The following SLC25A21 variants were observed in gnomAD, a reference collection of about 807,000 sequenced individuals.
SLC25A21 encodes mitochondrial 2-oxodicarboxylate carrier.
In SLC25A21, 47 loss-of-function variants were observed where a neutral mutation model predicts 43.8. That is an observed-to-expected ratio of 1.07 (90% confidence interval 0.85 to 1.37). SLC25A21 has a LOEUF of 1.37. SLC25A21 is among the 40% of genes most tolerant of loss of function. SLC25A21 has a pLI of 0.00. For missense variants in SLC25A21, 352 were observed against 350.2 expected (o/e 1.00, Z -0.04); for synonymous variants, 131 against 121.3 (o/e 1.08, Z -0.52).
At chr14:36,864,842 C>A (rs1890168129) in intron 2 of SLC25A21, among the ~76,000 whole-genome samples, 1 of 152,038 alleles carries the variant, frequency 6.6e-6, no homozygotes, top group African/African-American at 2.4e-5. Context: ...ATGTTCTAAC[C>A]CTGAATGTGA....
chr14:37,017,287 G>A lies in SLC25A21; in HGVS notation c.71-142283C>T, dbSNP rs112216579. Among the ~76,000 whole-genome samples the A allele has an allele frequency of 1.4e-3, 209 of 152,060 alleles. 5 individuals are homozygous for A. The highest frequency in any genetic ancestry group is 4.4e-3 in the African/African-American group (183 of 41,474). ...AGATGTCACTGTAGGCTTACTAAAT[G>A]GCCTAATTTTAATATTGTTGTGTCT... On this transcript the variant is annotated intron_variant, in intron 1 of 9. Transcript: ENST00000331299.
intron 4 of SLC25A21, among the ~76,000 whole-genome samples, chr14:36,733,142 A>T (rs1056935439): frequency 6.6e-6 from 1 of 152,176 alleles, no homozygotes; most frequent in East Asian, 1.9e-4. Context: ...TCCAGGAAAA[A>T]CTCTAATTTT....
chr14:36,679,099 C>T lies in SLC25A21; in HGVS notation c.*1559G>A, dbSNP rs1882057692. On this transcript the variant is annotated 3_prime_UTR_variant, in exon 10 of 10. Coordinates refer to ENST00000331299, the MANE Select transcript of SLC25A21 (RefSeq NM_030631.4). ...AAGGTTCAATTTCATGACCTCTATG[C>T]AGGCAGCGCTCTCATTGGATGTAAG... 2.0e-6 allele frequency: 2 copies of T among 985,276 alleles called. No individual in the cohort carries two copies. The highest frequency in any genetic ancestry group is 1.1e-4 in the East Asian group (1 of 8,824). The allele number at this position is 985,276 out of a possible 1,614,324, so 61.0% of individuals were successfully genotyped here.
At chr14:36,734,115 AG>A (rs1884938338) in intron 4 of SLC25A21, among the ~76,000 whole-genome samples, 1 of 152,182 alleles carries the variant, frequency 6.6e-6, no homozygotes, top group Non-Finnish European at 1.5e-5. Flanking sequence ...GGAATGATTT[AG>A]GGAGAAAAGT....
rs1435294324 is a variant in SLC25A21, at chr14:37,095,597, T to C, written c.70+76684A>G. Among the ~76,000 whole-genome samples, 3 of 151,956 alleles carry C rather than the reference T, an allele frequency of 2.0e-5. No homozygotes were observed. The East Asian group carries it at 5.8e-4, about 29-fold the overall frequency. Reference sequence around the variant, plus strand: ...GCAGAAAAGGCATGAATAAAAAATATATAAATGCCTGGTATGGTGGCTCAC... The same window carrying C: ...GCAGAAAAGGCATGAATAAAAAATACATAAATGCCTGGTATGGTGGCTCAC... On this transcript the variant is annotated intron_variant, in intron 1 of 9. Transcript: ENST00000331299.
At chr14:36,950,483 A>G (rs1892782833) in intron 1 of SLC25A21, among the ~76,000 whole-genome samples, 1 of 152,190 alleles carries the variant, frequency 6.6e-6, no homozygotes, top group African/African-American at 2.4e-5. Flanking sequence ...TCTGCAAGCC[A>G]GGAAGAAAGG....
chr14:36,728,250 C>G (rs1884678048), intron 5 of SLC25A21, among the ~76,000 whole-genome samples: 1 of 152,190 alleles, frequency 6.6e-6, no homozygotes, highest in African/African-American at 2.4e-5. Context: ...AGTTGGCATG[C>G]ATTTGGTTAT....
chr14:36,989,503 A>ATTTT (rs569204172), intron 1 of SLC25A21, among the ~76,000 whole-genome samples: 8 of 144,688 alleles, frequency 5.5e-5, no homozygotes, highest in African/African-American at 2.0e-4. Context: ...TAACTAAATC[A>ATTTT]TTTTTTTTTT....
rs1020858457 is a variant in SLC25A21 at position 37,086,415 on chromosome 14, G to A, written c.70+85866C>T. ...AGGATATTACTATGTGTATAGATAT[G>A]TTTGTGTAATAGTCATGTTAGGCTT... On this transcript the variant is annotated intron_variant, in intron 1 of 9. Coordinates refer to ENST00000331299, the MANE Select transcript of SLC25A21 (RefSeq NM_030631.4). Among the ~76,000 whole-genome samples the A allele has an allele frequency of 2.0e-4, 30 of 152,236 alleles. 1 individual carries two copies. Among genetic ancestry groups the A allele is most frequent in the African/African-American group, 7.0e-4 (29 of 41,550 alleles).
intron 1 of SLC25A21, among the ~76,000 whole-genome samples, chr14:36,967,046 C>A (rs1354105466): frequency 6.6e-6 from 1 of 152,268 alleles, no homozygotes; most frequent in South Asian, 2.1e-4. Context: ...AATGTACCTG[C>A]CGCCACAACC....
At chr14:37,016,079 G>C (rs1960848651) in intron 1 of SLC25A21, among the ~76,000 whole-genome samples, 1 of 151,960 alleles carries the variant, frequency 6.6e-6, no homozygotes, top group Non-Finnish European at 1.5e-5. Flanking sequence ...GGCTTTTGTT[G>C]CCATTGCTTT....
intron 1 of SLC25A21, among the ~76,000 whole-genome samples, chr14:37,131,067 G>T (rs2138905690): frequency 6.6e-6 from 1 of 152,270 alleles, no homozygotes; most frequent in African/African-American, 2.4e-5. Context: ...TCTATTTCTT[G>T]ACTAGTGATG....
At chr14:36,972,215 T>C (rs1016119088) in intron 1 of SLC25A21, among the ~76,000 whole-genome samples, 5 of 152,212 alleles carry the variant, frequency 3.3e-5, no homozygotes, top group Non-Finnish European at 5.9e-5. Flanking sequence ...GCATATAGTC[T>C]AGGTGTGTAG....
rs954729664 is a variant in SLC25A21, at chr14:36,679,215, C to T, written c.*1443G>A. On this transcript the variant is annotated 3_prime_UTR_variant, in exon 10 of 10. Transcript: ENST00000331299. ...CAATTTTGTTTTGTTTTTAATGACC[C>T]TTTTATTGAATATTGGACTGAAATA... is the stretch of plus-strand genomic sequence containing the variant. The T allele has an allele frequency of 7.1e-6, 7 of 984,282 alleles. No individual in the cohort carries two copies. Among genetic ancestry groups the T allele is most frequent in the Non-Finnish European group, 8.4e-6 (7 of 829,166 alleles). 61.0% of individuals were successfully genotyped at this position (984,282 alleles called of 1,614,324 possible).
chr14:36,683,170 G>GT (rs1299053762), intron 9 of SLC25A21, among the ~76,000 whole-genome samples: 4 of 152,222 alleles, frequency 2.6e-5, no homozygotes, highest in Non-Finnish European at 5.9e-5. Flanking sequence ...TGCCCTGGCG[G>GT]TTGAGTCTGC....
At chr14:36,883,694 A>G (rs1890824365) in intron 1 of SLC25A21, among the ~76,000 whole-genome samples, 1 of 152,174 alleles carries the variant, frequency 6.6e-6, no homozygotes, top group Admixed American at 6.5e-5. Context: ...AAACTGCTAC[A>G]ATTATGGGAT....
intron 1 of SLC25A21, among the ~76,000 whole-genome samples, chr14:37,026,456 C>T (rs1052329839): frequency 3.2e-4 from 48 of 152,166 alleles, no homozygotes; most frequent in African/African-American, 9.4e-4. Context: ...AGCTCCTTGT[C>T]GCCACCAACT....
chr14:36,757,090 C>CA (rs58430384), intron 3 of SLC25A21, among the ~76,000 whole-genome samples: 41,487 of 125,116 alleles, frequency 0.33, 7,489 homozygotes, highest in Non-Finnish European at 0.42. Flanking sequence ...CCCATCTTTA[C>CA]AAAAAAAAAA....
chr14:37,019,123 G>T (rs1960928719), intron 1 of SLC25A21, among the ~76,000 whole-genome samples: 2 of 151,854 alleles, frequency 1.3e-5, no homozygotes, highest in South Asian at 4.1e-4. Context: ...TTGCTTAAGA[G>T]CCTTCAATGG....
Sources: gnomAD v4.1 joint callset for allele counts (sites outside exome capture counted in the v4.1 genomes callset) on GRCh38, gnomAD v4.1.1 for gene constraint, MANE v1.5 for transcripts, NCBI Gene and HGNC (gene_info 2026-07-23, HGNC 2026-07-21) for gene names.